FAM168A: variants seen among roughly 807,000 people sequenced by gnomAD.
FAM168A encodes protein FAM168A.
In FAM168A, 3 loss-of-function variants were observed where a neutral mutation model predicts 28.5. The observed-to-expected ratio is 0.11, with a 90% CI of 0.05 to 0.27. The LOEUF (loss-of-function observed/expected upper bound fraction) is 0.27. Ranked by LOEUF, FAM168A falls within the 10% of genes least tolerant of loss-of-function variation. The pLI is 1.00. For synonymous variants in FAM168A, 122 were observed against 124.2 expected, an observed-to-expected ratio of 0.98 and a Z score of 0.12; for missense variants, 222 against 311.5, an observed-to-expected ratio of 0.71 and a Z score of 2.16.
At chr11:73,429,530 C>G (rs904113370) in intron 3 of FAM168A, among the ~76,000 whole-genome samples, 2 of 152,200 alleles carry the variant, frequency 1.3e-5, no homozygotes, top group African/African-American at 4.8e-5. Flanking sequence ...AGCCACTCCC[C>G]TACTTCTACG....
chr11:73,423,754 T>C (rs1032291100), intron 3 of FAM168A, among the ~76,000 whole-genome samples: 1 of 152,236 alleles, frequency 6.6e-6, no homozygotes, highest in Non-Finnish European at 1.5e-5. Flanking sequence ...TGGAAGCACC[T>C]GTACTTGATG....
intron 2 of FAM168A, among the ~76,000 whole-genome samples, chr11:73,448,090 C>T (rs1867355223): frequency 6.6e-6 from 1 of 152,134 alleles, no homozygotes; most frequent in South Asian, 2.1e-4. Flanking sequence ...GCTCTGTTGC[C>T]AGGGTGGAGT....
At chr11:73,494,457 G>T (rs1854827541) in intron 1 of FAM168A, among the ~76,000 whole-genome samples, 1 of 152,192 alleles carries the variant, frequency 6.6e-6, no homozygotes, top group Non-Finnish European at 1.5e-5. Flanking sequence ...TACATTCCAA[G>T]CGGTTGACAC....
chr11:73,484,964 C>G (rs1868034096), intron 1 of FAM168A, among the ~76,000 whole-genome samples: 1 of 151,894 alleles, frequency 6.6e-6, no homozygotes, highest in African/African-American at 2.4e-5. Flanking sequence ...GCTTTATATT[C>G]AACGGTAGCT....
At chr11:73,481,578 T>C (rs1406557675) in intron 1 of FAM168A, among the ~76,000 whole-genome samples, 1 of 152,210 alleles carries the variant, frequency 6.6e-6, no homozygotes, top group Non-Finnish European at 1.5e-5. Context: ...AGTCTCTCTT[T>C]AACGGTTACT....
At chr11:73,528,717 G>A (rs562354974) in intron 1 of FAM168A, among the ~76,000 whole-genome samples, 19 of 152,132 alleles carry the variant, frequency 1.2e-4, no homozygotes, top group Non-Finnish European at 2.5e-4. Context: ...GTAACACTCT[G>A]ACCCTGCAAG....
At chr11:73,499,644 T>C (rs931392657) in intron 1 of FAM168A, among the ~76,000 whole-genome samples, 1 of 152,082 alleles carries the variant, frequency 6.6e-6, no homozygotes, top group South Asian at 2.1e-4. Context: ...GTTGGAAGAA[T>C]TGCTAACTAG....
chr11:73,539,998 A>G (rs1187087487), intron 1 of FAM168A, among the ~76,000 whole-genome samples: 1 of 152,242 alleles, frequency 6.6e-6, no homozygotes, highest in African/African-American at 2.4e-5. Flanking sequence ...TTCTTTCCAT[A>G]ATAAATGAAT....
At chr11:73,478,779 C>T (rs1169289465) in intron 1 of FAM168A, among the ~76,000 whole-genome samples, 1 of 152,074 alleles carries the variant, frequency 6.6e-6, no homozygotes. Flanking sequence ...TAACAAGGCA[C>T]AATTTCTGTC....
intron 1 of FAM168A, among the ~76,000 whole-genome samples, chr11:73,490,914 A>C (rs1868119173): frequency 6.6e-6 from 1 of 152,130 alleles, no homozygotes; most frequent in Admixed American, 6.6e-5. Context: ...TTGCATCCCC[A>C]GTGCTAGAAC....
chr11:73,459,839 T>C (rs1254848287), intron 2 of FAM168A, among the ~76,000 whole-genome samples: 1 of 151,448 alleles, frequency 6.6e-6, no homozygotes, highest in Admixed American at 6.6e-5. Flanking sequence ...ATCTGGTCTA[T>C]CCAGAGGGGT....
At chr11:73,504,353 C>T (rs2134628556) in intron 1 of FAM168A, among the ~76,000 whole-genome samples, 1 of 152,226 alleles carries the variant, frequency 6.6e-6, no homozygotes, top group Admixed American at 6.5e-5. Context: ...AGGATATGAA[C>T]AGATGCTTCT....
At chr11:73,526,860 C>T (rs147949033) in intron 1 of FAM168A, among the ~76,000 whole-genome samples, 1,758 of 114,296 alleles carry the variant, frequency 0.015, 39 homozygotes, top group African/African-American at 0.064. Context: ...CAGAGCAAGA[C>T]TCCATCTCAA....
intron 1 of FAM168A, among the ~76,000 whole-genome samples, chr11:73,593,042 G>A (rs1206943420): frequency 6.6e-6 from 1 of 152,086 alleles, no homozygotes; most frequent in African/African-American, 2.4e-5. Flanking sequence ...CAAGTCAGAA[G>A]AATATTTATC....
chr11:73,491,184 G>A (rs1868123421), intron 1 of FAM168A, among the ~76,000 whole-genome samples: 1 of 152,224 alleles, frequency 6.6e-6, no homozygotes, highest in African/African-American at 2.4e-5. Flanking sequence ...TGGCCAGAGA[G>A]GCAGGTTAGG....
At chr11:73,484,511 TATATAG>T (rs200079230) in intron 1 of FAM168A, among the ~76,000 whole-genome samples, 1,243 of 78,092 alleles carry the variant, frequency 0.016, 26 homozygotes, top group African/African-American at 0.054. Flanking sequence ...GAGAGAGATA[TATATAG>T]ATATATATAT....
At chr11:73,577,966 G>A (rs1300019754) in intron 1 of FAM168A, among the ~76,000 whole-genome samples, 1 of 152,178 alleles carries the variant, frequency 6.6e-6, no homozygotes, top group African/African-American at 2.4e-5. Context: ...TTCAGTGGAA[G>A]AGAACAGGAG....
At chr11:73,470,998 GTAGCACTCCATGA>G (rs1456866441) in intron 1 of FAM168A, among the ~76,000 whole-genome samples, 3 of 152,172 alleles carry the variant, frequency 2.0e-5, no homozygotes, top group African/African-American at 7.2e-5. Flanking sequence ...CATGCCTGGG[GTAGCACTCCATGA>G]TAGCACTCCA....
intron 3 of FAM168A, 48 bp from the exon 4 acceptor site, chr11:73,420,047 C>T: frequency 6.2e-7 from 1 of 1,602,336 alleles, no homozygotes; most frequent in Non-Finnish European, 8.5e-7. Context: ...AAGAAGTGGC[C>T]ACCACCAATC....
Sources: allele counts gnomAD v4.1 joint callset (sites outside exome capture counted in the v4.1 genomes callset), GRCh38; gene constraint gnomAD v4.1.1; transcripts MANE v1.5; gene names NCBI Gene and HGNC (gene_info 2026-07-23, HGNC 2026-07-21).